The following GALNT13 variants were observed in gnomAD, a reference collection of about 807,000 sequenced individuals.
The protein encoded by GALNT13 is UDP-GalNAc:polypeptide N-acetylgalactosaminyltransferase 13.
In GALNT13, 28 loss-of-function variants were observed where a neutral mutation model predicts 64.2. That is an observed-to-expected ratio of 0.44 (90% CI 0.32 to 0.60). The LOEUF (loss-of-function observed/expected upper bound fraction) is 0.60, where lower values mean the gene tolerates loss of function less well. Among genes scored for constraint, GALNT13 ranks in the 20% least tolerant of loss-of-function variants. The pLI is 0.05. For synonymous variants in GALNT13, 214 were observed against 224.6 expected, an observed-to-expected ratio of 0.95 and a Z score of 0.42; for missense variants, 577 against 669.8, an observed-to-expected ratio of 0.86 and a Z score of 1.53.
intron 3 of GALNT13, among the ~76,000 whole-genome samples, chr2:153,974,830 G>A (rs770510935): frequency 6.6e-6 from 1 of 151,950 alleles, no homozygotes; most frequent in Non-Finnish European, 1.5e-5. Flanking sequence ...CTAGGAAATT[G>A]GAGTCATGTG....
intron 4 of GALNT13, among the ~76,000 whole-genome samples, chr2:154,215,629 C>A (rs544673856): frequency 6.6e-6 from 1 of 152,182 alleles, no homozygotes; most frequent in South Asian, 2.1e-4. Flanking sequence ...TCTTCGTATC[C>A]GGTAGCTCTT....
chr2:153,678,988 T>A, the GALNT13 span, among the ~76,000 whole-genome samples: 1 of 151,990 alleles, frequency 6.6e-6, no homozygotes, highest in South Asian at 2.1e-4. Flanking sequence ...GATCTCTCCT[T>A]CCTCAGCTTC....
the GALNT13 span, among the ~76,000 whole-genome samples, chr2:153,231,785 G>A: frequency 6.6e-6 from 1 of 151,878 alleles, no homozygotes; most frequent in African/African-American, 2.4e-5. Context: ...TTTCAAAACA[G>A]CATATTTTTC....
chr2:153,352,014 A>C, the GALNT13 span, among the ~76,000 whole-genome samples: 1 of 152,150 alleles, frequency 6.6e-6, no homozygotes, highest in Non-Finnish European at 1.5e-5. Context: ...GAGTATGTTT[A>C]GTTTTGTAAG....
At chr2:153,424,548 T>C in the GALNT13 span, among the ~76,000 whole-genome samples, 1 of 151,856 alleles carries the variant, frequency 6.6e-6, no homozygotes, top group Non-Finnish European at 1.5e-5. Flanking sequence ...ATTAAGGATA[T>C]ACAAACTAAA....
the GALNT13 span, among the ~76,000 whole-genome samples, chr2:153,080,389 A>G: frequency 6.6e-6 from 1 of 152,204 alleles, no homozygotes; most frequent in South Asian, 2.1e-4. Flanking sequence ...TGATTTTATT[A>G]TAAAGAAATA....
the GALNT13 span, among the ~76,000 whole-genome samples, chr2:153,719,732 C>A: frequency 6.6e-6 from 1 of 151,906 alleles, no homozygotes; most frequent in African/African-American, 2.4e-5. Context: ...CACTCCCACC[C>A]GAATATTGCG....
chr2:153,241,047 G>C, the GALNT13 span, among the ~76,000 whole-genome samples: 1 of 152,122 alleles, frequency 6.6e-6, no homozygotes, highest in Non-Finnish European at 1.5e-5. Context: ...TAAAGTTCTT[G>C]GTTAGGGATC....
At chr2:153,473,657 A>ATTTG in the GALNT13 span, among the ~76,000 whole-genome samples, 6 of 152,198 alleles carry the variant, frequency 3.9e-5, no homozygotes, top group African/African-American at 1.4e-4. Context: ...ACAGGCTTTC[A>ATTTG]AATTAGGTTT....
intron 4 of GALNT13, among the ~76,000 whole-genome samples, chr2:154,147,075 T>G (rs2105603543): frequency 6.6e-6 from 1 of 152,240 alleles, no homozygotes; most frequent in Middle Eastern, 3.4e-3. Flanking sequence ...AAGGTTTTTC[T>G]CTTCCCTGTA....
the GALNT13 span, among the ~76,000 whole-genome samples, chr2:153,591,625 G>A: frequency 6.6e-6 from 1 of 151,710 alleles, no homozygotes; most frequent in Admixed American, 6.6e-5. Flanking sequence ...AAAATAAATT[G>A]TCATGGGGGA....
chr2:153,688,776 G>A, the GALNT13 span, among the ~76,000 whole-genome samples: 8 of 152,028 alleles, frequency 5.3e-5, no homozygotes, highest in East Asian at 1.5e-3. Flanking sequence ...TGTAGCAGTG[G>A]TTTGTTTACC....
At chr2:153,218,618 A>AC in the GALNT13 span, among the ~76,000 whole-genome samples, 1 of 152,060 alleles carries the variant, frequency 6.6e-6, no homozygotes, top group South Asian at 2.1e-4. Context: ...CTTTGAACTC[A>AC]CCTAGGTGTT....
chr2:153,462,354 T>A, the GALNT13 span, among the ~76,000 whole-genome samples: 1 of 152,168 alleles, frequency 6.6e-6, no homozygotes, highest in African/African-American at 2.4e-5. Flanking sequence ...GTAAAATAGA[T>A]GAAGGCATTT....
intron 9 of GALNT13, among the ~76,000 whole-genome samples, chr2:154,362,490 C>T (rs1285371001): frequency 1.3e-5 from 2 of 151,842 alleles, no homozygotes; most frequent in African/African-American, 4.8e-5. Context: ...CCAGTTTAAA[C>T]TATTGGTGGG....
intron 9 of GALNT13, among the ~76,000 whole-genome samples, chr2:154,338,947 A>G (rs751179868): frequency 6.6e-6 from 1 of 152,144 alleles, no homozygotes; most frequent in Non-Finnish European, 1.5e-5. Context: ...AAACATGGTT[A>G]ATGCAAATTG....
chr2:154,042,163 C>T (rs1202321845), intron 3 of GALNT13, among the ~76,000 whole-genome samples: 1 of 139,890 alleles, frequency 7.1e-6, no homozygotes, highest in East Asian at 2.0e-4. Context: ...ATTTTGATGG[C>T]TGGAAAGAAC....
the GALNT13 span, among the ~76,000 whole-genome samples, chr2:153,570,117 G>A: frequency 6.6e-6 from 1 of 152,116 alleles, no homozygotes; most frequent in Non-Finnish European, 1.5e-5. Flanking sequence ...GTTATTGCCT[G>A]TCTTTTGGAT....
chr2:154,417,839 A>G (rs1700089336), intron 11 of GALNT13, among the ~76,000 whole-genome samples: 1 of 151,900 alleles, frequency 6.6e-6, no homozygotes, highest in Admixed American at 6.6e-5. Flanking sequence ...AATTCTATCA[A>G]TCTAGTCGCA....
Sources: allele counts gnomAD v4.1 joint callset (sites outside exome capture counted in the v4.1 genomes callset), GRCh38; gene constraint gnomAD v4.1.1; transcripts MANE v1.5; gene names NCBI Gene and HGNC (gene_info 2026-07-23, HGNC 2026-07-21).